IFNG-AS1: variants seen among roughly 807,000 people sequenced by gnomAD.
IFNG-AS1 encodes IFNG regulatory antisense RNA 1, also known as IFNG antisense RNA 1 (non-protein coding).
intron 3 of IFNG-AS1, among the ~76,000 whole-genome samples, chr12:68,014,285 T>A (rs1232088213): frequency 6.6e-6 from 1 of 152,208 alleles, no homozygotes; most frequent in African/African-American, 2.4e-5. Flanking sequence ...TGACATCTTG[T>A]CCTCTGGGTA....
chr12:67,991,429 C>G (rs915511879), intron 1 of IFNG-AS1, among the ~76,000 whole-genome samples: 2 of 152,072 alleles, frequency 1.3e-5, no homozygotes, highest in Non-Finnish European at 2.9e-5. Context: ...TGAGGGGGAG[C>G]AGTTCACAGG....
chr12:68,008,192 G>A (rs1309438063), intron 3 of IFNG-AS1, among the ~76,000 whole-genome samples: 16 of 152,196 alleles, frequency 1.1e-4, no homozygotes, highest in African/African-American at 3.4e-4. Context: ...CGAGGCAGGC[G>A]GATCATGAGG....
intron 3 of IFNG-AS1, among the ~76,000 whole-genome samples, chr12:68,011,095 T>C (rs1880015887): frequency 6.6e-6 from 1 of 152,188 alleles, no homozygotes; most frequent in African/African-American, 2.4e-5. Flanking sequence ...TTTGGAGTTT[T>C]TCAGGTGATA....
intron 2 of IFNG-AS1, among the ~76,000 whole-genome samples, chr12:68,000,805 T>G (rs985603878): frequency 6.6e-6 from 1 of 152,234 alleles, no homozygotes; most frequent in Non-Finnish European, 1.5e-5. Flanking sequence ...TTGTTCATAT[T>G]TTCAGAGGAT....
chr12:68,005,675 G>A (rs1368485731), intron 2 of IFNG-AS1, among the ~76,000 whole-genome samples: 1 of 152,104 alleles, frequency 6.6e-6, no homozygotes, highest in African/African-American at 2.4e-5. Context: ...CATGACCCTT[G>A]CCCTTATACT....
chr12:68,009,725 C>G (rs1431852080), intron 3 of IFNG-AS1, among the ~76,000 whole-genome samples: 2 of 152,126 alleles, frequency 1.3e-5, no homozygotes, highest in African/African-American at 4.8e-5. Flanking sequence ...CTGGGCAGCT[C>G]TCCTCCATGC....
chr12:68,007,027 A>T (rs1879921738), intron 3 of IFNG-AS1, among the ~76,000 whole-genome samples: 1 of 152,242 alleles, frequency 6.6e-6, no homozygotes, highest in Admixed American at 6.5e-5. Context: ...ATGATTTTTT[A>T]AAATCACATG....
rs188143293 is a variant in IFNG-AS1, at chr12:68,015,206, T to C, written n.242-4656T>C. ...TGGACACAAAGCTTTTAGCTGACAA[T>C]GCAGGCAGGGGCTTCAACTCGGGGC... On this transcript the variant is annotated intron_variant and non_coding_transcript_variant, in intron 3 of 5. Transcript: ENST00000536914. Among the ~76,000 whole-genome samples, 891 of 152,188 alleles carry C rather than the reference T, an allele frequency of 5.9e-3. 8 individuals carry two copies. The highest frequency in any genetic ancestry group is 0.02 in the African/African-American group (844 of 41,524).
chr12:67,999,491 T>C (rs952135168), intron 2 of IFNG-AS1, among the ~76,000 whole-genome samples: 1 of 152,150 alleles, frequency 6.6e-6, no homozygotes, highest in African/African-American at 2.4e-5. Context: ...GGTGGACACA[T>C]GTTGAAAGGA....
intron 1 of IFNG-AS1, among the ~76,000 whole-genome samples, chr12:67,990,598 CT>C (rs34563503): frequency 0.22 from 32,665 of 147,734 alleles, 3,842 homozygotes; most frequent in African/African-American, 0.29. Flanking sequence ...TACATTAATA[CT>C]TTTTTTTTTT....
chr12:68,006,231 G>A (rs1879902448), intron 3 of IFNG-AS1: 1 of 152,212 alleles, frequency 6.6e-6, no homozygotes, highest in African/African-American at 2.4e-5. Flanking sequence ...AAGTGACAAG[G>A]TGGTTTTAAG....
At chr12:68,004,385 G>C (rs958734274) in intron 2 of IFNG-AS1, among the ~76,000 whole-genome samples, 1 of 151,976 alleles carries the variant, frequency 6.6e-6, no homozygotes, top group Non-Finnish European at 1.5e-5. Flanking sequence ...GCTTCCTCTG[G>C]ATCTTCCCAG....
intron 3 of IFNG-AS1, among the ~76,000 whole-genome samples, chr12:68,008,773 G>T (rs1879963076): frequency 6.6e-6 from 1 of 152,222 alleles, no homozygotes; most frequent in South Asian, 2.1e-4. Context: ...TAATGGACCA[G>T]ACTGAAAGTA....
chr12:68,005,226 C>T (rs1326431420), intron 2 of IFNG-AS1, among the ~76,000 whole-genome samples: 1 of 152,206 alleles, frequency 6.6e-6, no homozygotes, highest in Non-Finnish European at 1.5e-5. Flanking sequence ...ATCTCTGTGT[C>T]CCTCTTGAAA....
At chr12:68,005,951 A>G (rs1879895592) in intron 2 of IFNG-AS1, 1 of 152,214 alleles carries the variant, frequency 6.6e-6, no homozygotes, top group South Asian at 2.1e-4. Flanking sequence ...ACCAGCTAAG[A>G]CTGCAGATTA....
intron 1 of IFNG-AS1, among the ~76,000 whole-genome samples, chr12:67,993,691 A>G (rs1343139864): frequency 6.6e-6 from 1 of 152,218 alleles, no homozygotes; most frequent in Non-Finnish European, 1.5e-5. Context: ...GATTAGAACA[A>G]AAGGCACTTA....
At chr12:68,017,899 T>C (rs1880192066) in intron 3 of IFNG-AS1, among the ~76,000 whole-genome samples, 1 of 152,212 alleles carries the variant, frequency 6.6e-6, no homozygotes, top group Non-Finnish European at 1.5e-5. Flanking sequence ...ATGGGTATTG[T>C]AAGATATTAA....
chr12:68,001,311 T>C (rs534679907), intron 2 of IFNG-AS1: 100 of 161,944 alleles, frequency 6.2e-4, no homozygotes, highest in Non-Finnish European at 1.2e-3. Context: ...GTACAGATAG[T>C]GGCAACGTTT....
chr12:67,995,942 GTT>G (rs1246920225), exon 2 of IFNG-AS1: 3 of 152,142 alleles, frequency 2.0e-5, no homozygotes, highest in Non-Finnish European at 4.4e-5. Context: ...TCTCTTCAGA[GTT>G]TGAAAAGTTC....
Sources: gnomAD v4.1 joint callset for allele counts (sites outside exome capture counted in the v4.1 genomes callset) on GRCh38, gnomAD v4.1.1 for gene constraint, MANE v1.5 for transcripts, NCBI Gene and HGNC (gene_info 2026-07-23, HGNC 2026-07-21) for gene names.